The following MYLK variants were observed in gnomAD, a reference collection of about 807,000 sequenced individuals.
MYLK encodes myosin light chain kinase.
A neutral mutation model predicts 203.4 loss-of-function variants in MYLK; 106 were observed. The ratio of observed to expected loss-of-function variants is 0.52; its 90% confidence interval spans 0.45 to 0.61. The LOEUF (loss-of-function observed/expected upper bound fraction) is 0.61, where lower values mean the gene tolerates loss of function less well. Among genes scored for constraint, MYLK ranks in the 20% least tolerant of loss-of-function variants. The probability of loss-of-function intolerance (pLI) is 0.00; values close to 1 mark genes in which losing one functional copy is unlikely to be tolerated. For synonymous variants in MYLK, 867 were observed against 959.5 expected, an observed-to-expected ratio of 0.90 and a Z score of 1.78; for missense variants, 2,072 against 2,442.3, an observed-to-expected ratio of 0.85 and a Z score of 3.20.
intron 25 of MYLK, 48 bp from the exon 26 acceptor site, chr3:123,649,112 C>T: frequency 1.1e-5 from 17 of 1,614,106 alleles, no homozygotes; most frequent in Non-Finnish European, 1.4e-5. Flanking sequence ...TGCCCCCACT[C>T]AGCCCCCTCC....
At chr3:123,847,955 G>A (rs2030233982) in intron 2 of MYLK, among the ~76,000 whole-genome samples, 1 of 151,850 alleles carries the variant, frequency 6.6e-6, no homozygotes, top group Non-Finnish European at 1.5e-5. Flanking sequence ...ACAATATTAG[G>A]ATTATTTACT....
intron 19 of MYLK, among the ~76,000 whole-genome samples, chr3:123,687,874 G>C (rs1032509318): frequency 2.0e-5 from 3 of 152,124 alleles, no homozygotes. Context: ...GTTTCACCAT[G>C]TAGCCCAGGC....
At chr3:123,651,139 A>C (rs1191485936) in intron 24 of MYLK, among the ~76,000 whole-genome samples, 1 of 152,192 alleles carries the variant, frequency 6.6e-6, no homozygotes, top group African/African-American at 2.4e-5. Flanking sequence ...AAAGAAGTCT[A>C]AAATGGACAT....
intron 29 of MYLK, among the ~76,000 whole-genome samples, chr3:123,635,286 C>A (rs1487068299): frequency 6.6e-6 from 1 of 152,236 alleles, no homozygotes; most frequent in Admixed American, 6.5e-5. Context: ...AGCAGTGGCT[C>A]CAGAGTTCTG....
intron 13 of MYLK, among the ~76,000 whole-genome samples, chr3:123,713,057 G>A (rs2061758219): frequency 6.6e-6 from 1 of 152,204 alleles, no homozygotes; most frequent in African/African-American, 2.4e-5. Context: ...ATATCTCAAA[G>A]TAAATTGAGG....
intron 20 of MYLK, among the ~76,000 whole-genome samples, chr3:123,678,419 G>T (rs1047783566): frequency 1.3e-5 from 2 of 152,014 alleles, no homozygotes. Context: ...GTGTCTGGCC[G>T]GTTAACTTGT....
At chr3:123,630,454 C>T (rs2058364930) in intron 29 of MYLK, 1 of 152,264 alleles carries the variant, frequency 6.6e-6, no homozygotes, top group African/African-American at 2.4e-5. Flanking sequence ...AATCTTAACA[C>T]TGCCCTATGA....
chr3:123,762,374 C>T (rs956238393), intron 4 of MYLK, among the ~76,000 whole-genome samples: 1 of 151,792 alleles, frequency 6.6e-6, no homozygotes, highest in African/African-American at 2.4e-5. Context: ...GGACCACAGG[C>T]ACATGCCACC....
intron 20 of MYLK, chr3:123,681,892 G>A (rs991027961): frequency 8.0e-6 from 3 of 374,998 alleles, no homozygotes; most frequent in Non-Finnish European, 1.5e-5. Context: ...CAACTGGGGA[G>A]AAATTAGGAG....
At chr3:123,794,050 C>G (rs138055800) in intron 3 of MYLK, among the ~76,000 whole-genome samples, 1 of 152,244 alleles carries the variant, frequency 6.6e-6, no homozygotes, top group Non-Finnish European at 1.5e-5. Flanking sequence ...CAGAGCCCAT[C>G]CCAGACAAAC....
intron 4 of MYLK, among the ~76,000 whole-genome samples, chr3:123,787,946 C>T (rs2064604047): frequency 2.6e-5 from 4 of 152,164 alleles, no homozygotes; most frequent in Admixed American, 6.5e-5. Flanking sequence ...GGACCATCAC[C>T]AAAATACAGC....
At chr3:123,798,975 C>T (rs750836851) in intron 3 of MYLK, among the ~76,000 whole-genome samples, 1 of 152,152 alleles carries the variant, frequency 6.6e-6, no homozygotes, top group South Asian at 2.1e-4. Flanking sequence ...TCAAGAAAAC[C>T]AGAGAGGTTG....
chr3:123,774,040 C>T (rs573339212), intron 4 of MYLK, among the ~76,000 whole-genome samples: 1 of 152,182 alleles, frequency 6.6e-6, no homozygotes, highest in African/African-American at 2.4e-5. Flanking sequence ...GCTCAGTCCA[C>T]TGAGTGAGAC....
At chr3:123,641,511 CTGGG>C (rs2058831323) in intron 27 of MYLK, among the ~76,000 whole-genome samples, 1 of 151,656 alleles carries the variant, frequency 6.6e-6, no homozygotes, top group Non-Finnish European at 1.5e-5. Flanking sequence ...GCACTCAAGC[CTGGG>C]TGACAGAGCA....
intron 4 of MYLK, among the ~76,000 whole-genome samples, chr3:123,760,936 C>T (rs1277782368): frequency 6.6e-6 from 1 of 152,174 alleles, no homozygotes; most frequent in Non-Finnish European, 1.5e-5. Context: ...CCCAAAATAC[C>T]ATTTGAGCCT....
In MYLK at chr3:123,733,068, G is replaced by C; in HGVS notation, c.1344C>G (p.Phe448Leu). The C allele has an allele frequency of 6.2e-7, 1 of 1,614,054 alleles. No individual in the cohort carries two copies. The highest frequency in any genetic ancestry group is 8.5e-7 in the Non-Finnish European group (1 of 1,180,016). ...SGIPKPEVAW[F>L]LEGTPVRRQE... ...GTCTCCTCACGGGGGTGCCTTCCAG[G>C]AACCAGGCCACTTCAGGCTTTGGAA... is the stretch of plus-strand genomic sequence containing the variant. The change falls in exon 11 of 34, where the codon TTC (phenylalanine) becomes TTG (leucine). Residue 448 changes from phenylalanine (F) to leucine (L), a missense_variant. Phe to Leu is a conservative substitution (Grantham distance 22). Around this residue, in one of 3 missense-constraint regions of MYLK, gnomAD observed 683 missense variants for 643.8 expected, o/e 1.06. Transcript: ENST00000360304.
chr3:123,712,121 G>A (rs1576687439), intron 13 of MYLK, among the ~76,000 whole-genome samples: 1 of 152,194 alleles, frequency 6.6e-6, no homozygotes, highest in African/African-American at 2.4e-5. Flanking sequence ...GGCCCCTGCT[G>A]CTCTCTGGTG....
At chr3:123,846,435 T>C (rs1469975898) in intron 2 of MYLK, among the ~76,000 whole-genome samples, 3 of 152,212 alleles carry the variant, frequency 2.0e-5, no homozygotes, top group Admixed American at 2.0e-4. Context: ...TATAGTTCTT[T>C]TACTGCTATA....
chr3:123,752,297 G>C (rs374575904), intron 5 of MYLK, 34 bp downstream of exon 5: 1 of 1,609,766 alleles, frequency 6.2e-7, no homozygotes, highest in Admixed American at 1.7e-5. Context: ...TGAGAGCTCA[G>C]CTCCCTCCTG....
Sources: gnomAD v4.1 joint callset for allele counts (sites outside exome capture counted in the v4.1 genomes callset) on GRCh38, gnomAD v4.1.1 for gene constraint, gnomAD v4.1.1 regional missense constraint, MANE v1.5 for transcripts, NCBI Gene and HGNC (gene_info 2026-07-23, HGNC 2026-07-21) for gene names.